SDK1: variants seen among roughly 807,000 people sequenced by gnomAD.
The protein encoded by SDK1 is protein sidekick-1.
SDK1 carries 157 observed loss-of-function variants against 245.5 expected under a neutral mutation model. That is an observed-to-expected ratio of 0.64 (90% CI 0.56 to 0.73). SDK1 has a LOEUF of 0.73. SDK1 is among the 30% of genes least tolerant of loss of function. SDK1 has a pLI of 0.00. For missense variants in SDK1, 3,583 were observed against 3,002.3 expected (o/e 1.19, Z -4.52); for synonymous variants, 1,647 against 1,278.5 (o/e 1.29, Z -6.15).
chr7:3,689,970 A>G (rs1168324123), intron 4 of SDK1, among the ~76,000 whole-genome samples: 1 of 152,230 alleles, frequency 6.6e-6, no homozygotes, highest in Non-Finnish European at 1.5e-5. Flanking sequence ...TCCGTGTGGA[A>G]ATGAATGTTT....
chr7:3,468,427 T>C (rs1277812770), intron 1 of SDK1, among the ~76,000 whole-genome samples: 1 of 152,104 alleles, frequency 6.6e-6, no homozygotes, highest in Admixed American at 6.6e-5. Flanking sequence ...AATCTACCCA[T>C]AGAAACTAGA....
At chr7:4,171,208 C>T (rs1050391980) in intron 32 of SDK1, among the ~76,000 whole-genome samples, 1 of 152,222 alleles carries the variant, frequency 6.6e-6, no homozygotes, top group Non-Finnish European at 1.5e-5. Context: ...GGGACCCTGC[C>T]GTGCCTTGCT....
chr7:3,394,845 T>G (rs1358639301), intron 1 of SDK1, among the ~76,000 whole-genome samples: 1 of 152,124 alleles, frequency 6.6e-6, no homozygotes, highest in Non-Finnish European at 1.5e-5. Flanking sequence ...ATATTGATCT[T>G]GTATTATATC....
Position 4,268,752 on chromosome 7 carries a change from A to T in SDK1, c.*3368A>T. ...CCCCGTGGGTCAGCGTCCTGGTAGC[A>T]TGGATCCAGTCTGAAAGGTGAGGAC... On this transcript the variant is annotated 3_prime_UTR_variant, in exon 45 of 45. Transcript: ENST00000404826. 1 of 1,367,680 alleles carries T rather than the reference A, an allele frequency of 7.3e-7. No homozygotes were observed. Among genetic ancestry groups the T allele is most frequent in the Non-Finnish European group, 9.8e-7 (1 of 1,021,848 alleles). 84.7% of individuals were successfully genotyped at this position (1,367,680 alleles called of 1,614,324 possible).
chr7:3,679,259 A>T (rs1004647000), intron 4 of SDK1, among the ~76,000 whole-genome samples: 1 of 152,154 alleles, frequency 6.6e-6, no homozygotes, highest in Non-Finnish European at 1.5e-5. Flanking sequence ...AATAGTAAAA[A>T]TTCCTATTAG....
At chr7:3,784,534 T>TA (rs1418163698) in intron 4 of SDK1, among the ~76,000 whole-genome samples, 1 of 151,852 alleles carries the variant, frequency 6.6e-6, no homozygotes, top group Non-Finnish European at 1.5e-5. Flanking sequence ...AAATTCTAAT[T>TA]AAAAAAATGG....
At chr7:4,124,574 G>T (rs10951436) in intron 25 of SDK1, among the ~76,000 whole-genome samples, 1 of 152,138 alleles carries the variant, frequency 6.6e-6, no homozygotes, top group Non-Finnish European at 1.5e-5. Context: ...TGCAACAACT[G>T]TGTCTCCAAA....
chr7:3,954,773 G>A (rs1781126916), intron 7 of SDK1, among the ~76,000 whole-genome samples: 1 of 150,836 alleles, frequency 6.6e-6, no homozygotes, highest in Non-Finnish European at 1.5e-5. Flanking sequence ...AGCTCATATT[G>A]TGAAGGTTAA....
rs562810397 is a variant in SDK1 at position 3,918,544 on chromosome 7, A to C, written c.848-32379A>C. Among the ~76,000 whole-genome samples, 4 of 152,318 alleles carry C rather than the reference A, an allele frequency of 2.6e-5. No homozygotes were observed. The South Asian group carries it at 8.3e-4, about 32-fold the overall frequency. ...GAAAACAAGCTCAAGGCTCCCACTG[A>C]TTCTACGTGATGGTGAGTTGTATAA... On this transcript the variant is annotated intron_variant, in intron 5 of 44. Coordinates refer to ENST00000404826, the MANE Select transcript of SDK1 (RefSeq NM_152744.4).
At chr7:3,599,844 T>C (rs900350656) in intron 1 of SDK1, among the ~76,000 whole-genome samples, 3 of 152,256 alleles carry the variant, frequency 2.0e-5, no homozygotes, top group African/African-American at 7.2e-5. Flanking sequence ...TTACTGTAGC[T>C]AGATAGTAAC....
chr7:4,122,281 T>C (rs1784115314), intron 25 of SDK1, among the ~76,000 whole-genome samples: 1 of 152,012 alleles, frequency 6.6e-6, no homozygotes, highest in South Asian at 2.1e-4. Context: ...AAACTTACTC[T>C]CCCCAGCAGA....
At chr7:3,705,589 G>C (rs1366458470) in intron 4 of SDK1, among the ~76,000 whole-genome samples, 2 of 151,706 alleles carry the variant, frequency 1.3e-5, no homozygotes, top group Admixed American at 6.6e-5. Context: ...CTACTGATTG[G>C]TATACATTGA....
At chr7:3,827,039 C>G (rs1014577880) in intron 5 of SDK1, among the ~76,000 whole-genome samples, 9 of 152,172 alleles carry the variant, frequency 5.9e-5, no homozygotes, top group Admixed American at 5.2e-4. Context: ...CTCTTTCCAT[C>G]CCAAGGTGTC....
At chr7:4,063,267 G>A (rs1213378554) in intron 19 of SDK1, among the ~76,000 whole-genome samples, 1 of 152,046 alleles carries the variant, frequency 6.6e-6, no homozygotes, top group East Asian at 1.9e-4. Context: ...GGATACAATA[G>A]CAACACACAA....
chr7:3,646,111 C>G (rs922721316), intron 4 of SDK1, among the ~76,000 whole-genome samples: 2 of 152,126 alleles, frequency 1.3e-5, no homozygotes, highest in African/African-American at 2.4e-5. Context: ...CCCACCTCGG[C>G]CTCCCAGAGT....
intron 17 of SDK1, among the ~76,000 whole-genome samples, chr7:4,028,550 A>G (rs781393556): frequency 3.9e-5 from 6 of 152,210 alleles, no homozygotes; most frequent in Non-Finnish European, 7.3e-5. Context: ...ATGGGTGATG[A>G]CACATTGTCT....
intron 1 of SDK1, among the ~76,000 whole-genome samples, chr7:3,505,682 C>G (rs566944467): frequency 6.6e-6 from 1 of 152,120 alleles, no homozygotes; most frequent in Non-Finnish European, 1.5e-5. Context: ...TAAATAAACT[C>G]GGCCCTCTAT....
chr7:3,631,289 C>A (rs1427476895), intron 2 of SDK1, among the ~76,000 whole-genome samples: 1 of 152,064 alleles, frequency 6.6e-6, no homozygotes, highest in African/African-American at 2.4e-5. Flanking sequence ...CTGTACTCAC[C>A]AAGAAGAAAG....
intron 25 of SDK1, among the ~76,000 whole-genome samples, chr7:4,124,519 G>T (rs1258934847): frequency 6.6e-6 from 1 of 152,182 alleles, no homozygotes; most frequent in Non-Finnish European, 1.5e-5. Flanking sequence ...TACTGGATCA[G>T]GGGCCCACCC....
Sources: allele counts gnomAD v4.1 joint callset (sites outside exome capture counted in the v4.1 genomes callset), GRCh38; gene constraint gnomAD v4.1.1; transcripts MANE v1.5; gene names NCBI Gene and HGNC (gene_info 2026-07-23, HGNC 2026-07-21).